ADARB2: variants seen among roughly 807,000 people sequenced by gnomAD.
The protein encoded by ADARB2 is inactive double-stranded RNA-specific editase B2.
A neutral mutation model predicts 62.2 loss-of-function variants in ADARB2; 25 were observed. The observed-to-expected ratio is 0.40, with a 90% CI of 0.29 to 0.56. The LOEUF is 0.56. ADARB2 is among the 20% of genes least tolerant of loss of function. The probability of loss-of-function intolerance (pLI) is 0.43; values close to 1 mark genes in which losing one functional copy is unlikely to be tolerated. For synonymous variants in ADARB2, 572 were observed against 500.8 expected (o/e 1.14, Z -1.90); for missense variants, 1,071 against 1,077.4 (o/e 0.99, Z 0.08).
chr10:1,365,622 C>T (rs1197552786), intron 2 of ADARB2, among the ~76,000 whole-genome samples: 2 of 152,162 alleles, frequency 1.3e-5, no homozygotes. Flanking sequence ...TTAAAAAGAC[C>T]TGTAATGTCG....
At chr10:1,718,653 C>G (rs7919119) in intron 1 of ADARB2, among the ~76,000 whole-genome samples, 67,501 of 152,056 alleles carry the variant, frequency 0.44, 16,524 homozygotes, top group African/African-American at 0.66. Context: ...CTGAGCATCC[C>G]TAAAGCAGGG....
At chr10:1,604,739 C>T (rs780105902) in intron 1 of ADARB2, among the ~76,000 whole-genome samples, 8 of 152,208 alleles carry the variant, frequency 5.3e-5, no homozygotes, top group Non-Finnish European at 7.3e-5. Context: ...TCCTCCTCAA[C>T]GCATGAGAAC....
At chr10:1,655,354 T>C (rs1296214871) in intron 1 of ADARB2, among the ~76,000 whole-genome samples, 1 of 152,218 alleles carries the variant, frequency 6.6e-6, no homozygotes, top group Non-Finnish European at 1.5e-5. Flanking sequence ...AGACTGGCCC[T>C]AATGCAGAAG....
intron 1 of ADARB2, among the ~76,000 whole-genome samples, chr10:1,610,869 C>A (rs1418995765): frequency 6.6e-6 from 1 of 152,080 alleles, no homozygotes; most frequent in East Asian, 1.9e-4. Flanking sequence ...CATACATACA[C>A]ATACAAACAC....
intron 1 of ADARB2, among the ~76,000 whole-genome samples, chr10:1,682,419 G>A (rs1392058894): frequency 6.6e-6 from 1 of 152,206 alleles, no homozygotes; most frequent in Non-Finnish European, 1.5e-5. Flanking sequence ...GCACTTTAAG[G>A]AAACCAGTAT....
intron 1 of ADARB2, chr10:1,534,952 G>A (rs542455753): frequency 4.2e-5 from 7 of 167,546 alleles, no homozygotes; most frequent in South Asian, 4.1e-4. Context: ...CAGGGCCTGC[G>A]CTGCTCACCG....
At chr10:1,565,546 G>A (rs1832849252) in intron 1 of ADARB2, among the ~76,000 whole-genome samples, 3 of 152,122 alleles carry the variant, frequency 2.0e-5, no homozygotes, top group African/African-American at 7.2e-5. Context: ...CCAATCTCTT[G>A]GGGGCCTTAG....
chr10:1,377,062 G>C (rs986694948), intron 2 of ADARB2, among the ~76,000 whole-genome samples: 1 of 133,588 alleles, frequency 7.5e-6, no homozygotes, highest in Non-Finnish European at 1.6e-5. Flanking sequence ...GTGTGCTCCT[G>C]GGGTGTGTGT....
intron 1 of ADARB2, among the ~76,000 whole-genome samples, chr10:1,654,513 A>T (rs1588340299): frequency 6.6e-6 from 1 of 152,046 alleles, no homozygotes; most frequent in South Asian, 2.1e-4. Context: ...CCCCACCCAG[A>T]ACCCCTCTTT....
intron 1 of ADARB2, among the ~76,000 whole-genome samples, chr10:1,552,148 C>T (rs907801700): frequency 6.6e-6 from 1 of 152,262 alleles, no homozygotes; most frequent in African/African-American, 2.4e-5. Flanking sequence ...CTGGCCACTC[C>T]CACTCCGAGC....
At chr10:1,372,596 GC>G (rs1832383023) in intron 2 of ADARB2, among the ~76,000 whole-genome samples, 1 of 152,176 alleles carries the variant, frequency 6.6e-6, no homozygotes, top group Admixed American at 6.5e-5. Flanking sequence ...GAGGTGTGGG[GC>G]CCATCTCACA....
chr10:1,215,046 G>GCTGTAGGGGC (rs1422062544), intron 7 of ADARB2, among the ~76,000 whole-genome samples: 1 of 149,690 alleles, frequency 6.7e-6, no homozygotes, highest in African/African-American at 2.5e-5. Context: ...GGGGAGCAGA[G>GCTGTAGGGGC]CTGTAGGGGC....
intron 1 of ADARB2, among the ~76,000 whole-genome samples, chr10:1,735,898 C>T (rs571384023): frequency 2.6e-5 from 4 of 152,242 alleles, no homozygotes; most frequent in African/African-American, 7.2e-5. Flanking sequence ...GACCTGGTGA[C>T]GGTTCGAGGG....
At chr10:1,489,829 A>G (rs1004745824) in intron 1 of ADARB2, among the ~76,000 whole-genome samples, 8 of 121,708 alleles carry the variant, frequency 6.6e-5, no homozygotes, top group Non-Finnish European at 1.4e-4. Flanking sequence ...ATTAGGATCA[A>G]ACACTCTTGG....
At chr10:1,256,311 A>G (rs1323067919) in intron 4 of ADARB2, among the ~76,000 whole-genome samples, 1 of 152,186 alleles carries the variant, frequency 6.6e-6, no homozygotes, top group Non-Finnish European at 1.5e-5. Context: ...CCTGACCAAA[A>G]GAAGTCTGTG....
At chr10:1,208,998 C>A (rs989634713) in intron 7 of ADARB2, among the ~76,000 whole-genome samples, 1 of 152,174 alleles carries the variant, frequency 6.6e-6, no homozygotes, top group South Asian at 2.1e-4. Context: ...AGGGTATCCT[C>A]TTGTGGTTCA....
intron 4 of ADARB2, among the ~76,000 whole-genome samples, chr10:1,249,513 C>T (rs575502599): frequency 6.6e-6 from 1 of 151,720 alleles, no homozygotes; most frequent in African/African-American, 2.4e-5. Flanking sequence ...GATAAGGCAT[C>T]TGACAAAATA....
chr10:1,717,648 G>A (rs1052246332), intron 1 of ADARB2, among the ~76,000 whole-genome samples: 4 of 151,368 alleles, frequency 2.6e-5, no homozygotes, highest in African/African-American at 9.7e-5. Context: ...CATGATCTCA[G>A]CCCACTGCAA....
In ADARB2 at chr10:1,255,593, C is replaced by T. The variant is rs762510427; in HGVS notation, c.1193-13294G>A. Among the ~76,000 whole-genome samples, 17 of 152,338 alleles carry T rather than the reference C, an allele frequency of 1.1e-4. 1 individual carries two copies. Among genetic ancestry groups the T allele is most frequent in the South Asian group, 6.2e-4 (3 of 4,828 alleles). ...ATGTGACCAGATGTCAGCTGGTCAA[C>T]GCTCTTTGCTGTTCCCCATCAGGGA... On this transcript the variant is annotated intron_variant, in intron 4 of 9. Transcript: ENST00000381312. The surrounding 1 kb of genome is among the most constrained non-coding windows in gnomAD (Gnocchi z 4.7).
Sources: allele counts gnomAD v4.1 joint callset (sites outside exome capture counted in the v4.1 genomes callset), GRCh38; gene constraint gnomAD v4.1.1; non-coding constraint Gnocchi (gnomAD v3.1); transcripts MANE v1.5; gene names NCBI Gene and HGNC (gene_info 2026-07-23, HGNC 2026-07-21).